TRHDE: variants seen among roughly 807,000 people sequenced by gnomAD.
TRHDE encodes thyrotropin releasing hormone degrading enzyme.
In TRHDE, 72 loss-of-function variants were observed where a neutral mutation model predicts 125.7. That is an observed-to-expected ratio of 0.57 (90% CI 0.47 to 0.70). The LOEUF (loss-of-function observed/expected upper bound fraction) is 0.70, where lower values mean the gene tolerates loss of function less well. Among genes scored for constraint, TRHDE ranks in the 30% least tolerant of loss-of-function variants. TRHDE has a pLI of 0.00. For missense variants in TRHDE, 1,110 were observed against 1,327.1 expected, an observed-to-expected ratio of 0.84 and a Z score of 2.54; for synonymous variants, 509 against 509.1, an observed-to-expected ratio of 1.00 and a Z score of 0.00.
intron 12 of TRHDE, among the ~76,000 whole-genome samples, chr12:72,603,773 C>T (rs1416347568): frequency 6.7e-6 from 1 of 148,302 alleles, no homozygotes; most frequent in Non-Finnish European, 1.5e-5. Flanking sequence ...AACAAAAAAA[C>T]AATGTAAGTA....
chr12:72,435,107 C>A (rs1246323259), intron 3 of TRHDE, among the ~76,000 whole-genome samples: 1 of 152,152 alleles, frequency 6.6e-6, no homozygotes, highest in Non-Finnish European at 1.5e-5. Context: ...TCATTGTTGT[C>A]AGATCTTGTC....
intron 3 of TRHDE, among the ~76,000 whole-genome samples, chr12:72,392,463 T>A (rs1450710566): frequency 6.6e-6 from 1 of 152,184 alleles, no homozygotes; most frequent in African/African-American, 2.4e-5. Flanking sequence ...TGAAAAAATA[T>A]GTGATAGAAA....
chr12:72,590,333 CTGT>C (rs76201312), intron 12 of TRHDE, among the ~76,000 whole-genome samples: 40,180 of 151,648 alleles, frequency 0.26, 8,080 homozygotes, highest in African/African-American at 0.54. Context: ...GTGTATTCTG[CTGT>C]TGTTCAGAGC....
chr12:72,205,671 G>A (rs1478239144), intron 2 of TRHDE, among the ~76,000 whole-genome samples: 1 of 152,118 alleles, frequency 6.6e-6, no homozygotes, highest in African/African-American at 2.4e-5. Context: ...CATTCATGTT[G>A]TGGCATATGA....
chr12:72,495,276 C>T (rs905600980), intron 5 of TRHDE, among the ~76,000 whole-genome samples: 30 of 151,894 alleles, frequency 2.0e-4, no homozygotes, highest in African/African-American at 7.3e-4. Flanking sequence ...CTTCCTGTCT[C>T]CTGTTTACAT....
At chr12:72,558,374 C>T (rs1403583426) in intron 7 of TRHDE, among the ~76,000 whole-genome samples, 2 of 152,102 alleles carry the variant, frequency 1.3e-5, no homozygotes, top group Non-Finnish European at 2.9e-5. Context: ...TAGAGAATTG[C>T]ATGTGCAGAG....
intron 2 of TRHDE, among the ~76,000 whole-genome samples, chr12:72,369,062 G>T (rs1030274217): frequency 6.6e-6 from 1 of 152,126 alleles, no homozygotes; most frequent in Non-Finnish European, 1.5e-5. Flanking sequence ...GACCAAAGGG[G>T]TTGAAGATAT....
chr12:72,669,061 T>C lies in TRHDE; in HGVS notation c.*5866T>C, dbSNP rs1010403015. 6.6e-6 allele frequency: 1 copy of C among 151,746 alleles called. No homozygotes were observed. Among genetic ancestry groups the C allele is most frequent in the African/African-American group, 2.4e-5 (1 of 41,384 alleles). The allele number at this position is 151,746 out of a possible 1,614,324, so 9.4% of individuals were successfully genotyped here. On this transcript the variant is annotated 3_prime_UTR_variant, in exon 19 of 19. Transcript: ENST00000261180. ...TTCATGAAAACATTTTACATTAGCA[T>C]GTTGTGTAGTGGGTTTTAAGTTATA... is the stretch of plus-strand genomic sequence containing the variant.
chr12:72,427,604 C>T (rs1027715626), intron 3 of TRHDE, among the ~76,000 whole-genome samples: 3 of 152,078 alleles, frequency 2.0e-5, no homozygotes, highest in Non-Finnish European at 4.4e-5. Flanking sequence ...CACTCTTTCT[C>T]GTATTGACTT....
At chr12:72,615,223 G>T (rs1199336583) in intron 12 of TRHDE, among the ~76,000 whole-genome samples, 2 of 152,008 alleles carry the variant, frequency 1.3e-5, no homozygotes, top group African/African-American at 4.8e-5. Context: ...AATATTGATA[G>T]GACACAATTA....
chr12:72,327,468 G>A (rs1338035181), intron 2 of TRHDE, among the ~76,000 whole-genome samples: 1 of 152,072 alleles, frequency 6.6e-6, no homozygotes, highest in East Asian at 1.9e-4. Context: ...AAACTGTTTG[G>A]ATTTGGGGAA....
chr12:72,224,067 T>TATCTATCC (rs1565666503), intron 2 of TRHDE, among the ~76,000 whole-genome samples: 1 of 66,660 alleles, frequency 1.5e-5, no homozygotes. Flanking sequence ...GTGTCCTTCC[T>TATCTATCC]ATCTATCTAT....
At chr12:72,138,934 G>A (rs1876051250) in intron 2 of TRHDE, among the ~76,000 whole-genome samples, 2 of 152,160 alleles carry the variant, frequency 1.3e-5, no homozygotes, top group Non-Finnish European at 2.9e-5. Flanking sequence ...CTTGGCTGTG[G>A]GAAGCAAGAG....
chr12:72,596,521 G>C (rs1446154412), intron 12 of TRHDE, among the ~76,000 whole-genome samples: 1 of 151,964 alleles, frequency 6.6e-6, no homozygotes, highest in Admixed American at 6.6e-5. Context: ...ATAATACATT[G>C]GTCTAAGGTA....
chr12:72,148,557 G>A (rs929217848), intron 2 of TRHDE, among the ~76,000 whole-genome samples: 1 of 152,152 alleles, frequency 6.6e-6, no homozygotes, highest in African/African-American at 2.4e-5. Flanking sequence ...ATCTTCACAA[G>A]GAAATTAATT....
intron 2 of TRHDE, among the ~76,000 whole-genome samples, chr12:72,141,594 C>T (rs1053298174): frequency 6.6e-6 from 1 of 152,234 alleles, no homozygotes; most frequent in African/African-American, 2.4e-5. Flanking sequence ...CTGCAATCTT[C>T]ATTCACTCGT....
intron 3 of TRHDE, among the ~76,000 whole-genome samples, chr12:72,423,526 A>G (rs1874051361): frequency 6.6e-6 from 1 of 152,178 alleles, no homozygotes; most frequent in Non-Finnish European, 1.5e-5. Flanking sequence ...CAACAAAGTG[A>G]TTCTGATATG....
At chr12:72,183,673 T>C (rs1311844409) in intron 2 of TRHDE, among the ~76,000 whole-genome samples, 1 of 152,178 alleles carries the variant, frequency 6.6e-6, no homozygotes, top group Non-Finnish European at 1.5e-5. Context: ...AGATGAGGGC[T>C]TCTTCATGCA....
At chr12:72,094,684 C>T (rs1219948578) in intron 1 of TRHDE, among the ~76,000 whole-genome samples, 1 of 152,234 alleles carries the variant, frequency 6.6e-6, no homozygotes, top group Non-Finnish European at 1.5e-5. Flanking sequence ...GTAGGCATGA[C>T]TGCATCTGGG....
Sources: allele counts gnomAD v4.1 joint callset (sites outside exome capture counted in the v4.1 genomes callset), GRCh38; gene constraint gnomAD v4.1.1; transcripts MANE v1.5; gene names NCBI Gene and HGNC (gene_info 2026-07-23, HGNC 2026-07-21).